The following SGCZ variants were observed in gnomAD, a reference collection of about 807,000 sequenced individuals.
The protein encoded by SGCZ is sarcoglycan zeta.
A neutral mutation model predicts 41.3 loss-of-function variants in SGCZ; 40 were observed. The observed-to-expected ratio is 0.97, with a 90% CI of 0.75 to 1.26. The LOEUF (loss-of-function observed/expected upper bound fraction) is 1.26. Ranked by LOEUF, SGCZ falls within the 50% of genes most tolerant of loss-of-function variation. The pLI is 0.00. For synonymous variants in SGCZ, 206 were observed against 137.5 expected, an observed-to-expected ratio of 1.50 and a Z score of -3.49; for missense variants, 552 against 369.8, an observed-to-expected ratio of 1.49 and a Z score of -4.04.
In SGCZ at chr8:14,663,068, C is replaced by G. The variant is rs1053115966; in HGVS notation, c.40-108142G>C. ...GAAAGAAATGCAGTTCTGCCAACAACTTGATCTTAGCCTCGGAATTATGAC... is the reference window on the plus strand; with the variant it reads ...GAAAGAAATGCAGTTCTGCCAACAAGTTGATCTTAGCCTCGGAATTATGAC... On this transcript the variant is annotated intron_variant, in intron 1 of 7. Coordinates refer to ENST00000382080, the MANE Select transcript of SGCZ (RefSeq NM_139167.4). Among the ~76,000 whole-genome samples, 5 of 152,272 alleles carry G rather than the reference C, an allele frequency of 3.3e-5. 1 individual carries two copies. In the South Asian group the frequency reaches 1.0e-3, roughly 32 times the overall value.
intron 1 of SGCZ, among the ~76,000 whole-genome samples, chr8:15,053,893 T>C (rs964089241): frequency 2.6e-5 from 4 of 152,214 alleles, no homozygotes; most frequent in Non-Finnish European, 5.9e-5. Context: ...GTCAGAATTC[T>C]GACACCAAAA....
intron 1 of SGCZ, among the ~76,000 whole-genome samples, chr8:14,839,640 C>T (rs1423623649): frequency 6.6e-6 from 1 of 152,106 alleles, no homozygotes; most frequent in East Asian, 1.9e-4. Context: ...CTCTTCCTCC[C>T]TGATATACTG....
At chr8:14,740,669 T>G (rs1249132692) in intron 1 of SGCZ, among the ~76,000 whole-genome samples, 1 of 152,042 alleles carries the variant, frequency 6.6e-6, no homozygotes, top group Non-Finnish European at 1.5e-5. Context: ...GCTTTCTCAG[T>G]CGTCCTGGGA....
At chr8:14,520,957 CAAG>C (rs1030888227) in intron 2 of SGCZ, among the ~76,000 whole-genome samples, 2 of 152,054 alleles carry the variant, frequency 1.3e-5, no homozygotes, top group African/African-American at 4.8e-5. Context: ...AACATAGAAT[CAAG>C]AAGATAGCAG....
intron 2 of SGCZ, among the ~76,000 whole-genome samples, chr8:14,343,209 C>A (rs1802770900): frequency 6.6e-6 from 1 of 152,236 alleles, no homozygotes; most frequent in Non-Finnish European, 1.5e-5. Context: ...TCATGGAGAA[C>A]CTCTGCTAGT....
In SGCZ at chr8:14,821,064, T is replaced by G. The variant is rs138049164; in HGVS notation, c.40-266138A>C. Among the ~76,000 whole-genome samples the G allele has an allele frequency of 2.8e-3, 429 of 151,614 alleles. 2 individuals carry two copies. The highest frequency in any genetic ancestry group is 9.9e-3 in the African/African-American group (409 of 41,438). On this transcript the variant is annotated intron_variant, in intron 1 of 7. Transcript: ENST00000382080. ...TTGGTTTGTAAAAGATAAACAAAAC[T>G]GACAAACCTTAAGATAGACAACAAA...
At chr8:15,072,988 A>C (rs1805408739) in intron 1 of SGCZ, among the ~76,000 whole-genome samples, 1 of 152,266 alleles carries the variant, frequency 6.6e-6, no homozygotes, top group African/African-American at 2.4e-5. Flanking sequence ...AGGAAGCATT[A>C]GAGTGTTAAA....
chr8:15,220,272 T>C (rs1295006084), intron 1 of SGCZ, among the ~76,000 whole-genome samples: 1 of 152,230 alleles, frequency 6.6e-6, no homozygotes, highest in Non-Finnish European at 1.5e-5. Context: ...CTGACGTTTA[T>C]ATACATCAGT....
At chr8:15,205,909 A>T (rs113541410) in intron 1 of SGCZ, among the ~76,000 whole-genome samples, 6,879 of 152,324 alleles carry the variant, frequency 0.045, 201 homozygotes, top group Middle Eastern at 0.068. Context: ...GCAGTCATAA[A>T]AAAGAATGAA....
intron 2 of SGCZ, among the ~76,000 whole-genome samples, chr8:14,464,032 T>G (rs145176403): frequency 2.6e-4 from 39 of 151,806 alleles, no homozygotes; most frequent in Non-Finnish European, 4.9e-4. Flanking sequence ...AGTATTTTGT[T>G]GTGGAGCTTT....
At chr8:15,039,994 TG>T (rs1804028587) in intron 1 of SGCZ, among the ~76,000 whole-genome samples, 1 of 152,160 alleles carries the variant, frequency 6.6e-6, no homozygotes, top group African/African-American at 2.4e-5. Flanking sequence ...ACATTTAATT[TG>T]CAAAAAAAGT....
At chr8:14,668,166 G>T (rs551936739) in intron 1 of SGCZ, among the ~76,000 whole-genome samples, 46 of 151,990 alleles carry the variant, frequency 3.0e-4, no homozygotes, top group Non-Finnish European at 5.7e-4. Flanking sequence ...CACCATGTTG[G>T]CCAGGCTAGT....
At chr8:14,096,344 G>C (rs900373045) in intron 7 of SGCZ, among the ~76,000 whole-genome samples, 1 of 152,066 alleles carries the variant, frequency 6.6e-6, no homozygotes, top group East Asian at 1.9e-4. Flanking sequence ...GGCCTTTCCT[G>C]CATCTATTGA....
chr8:15,169,406 GA>G (rs1441033275), intron 1 of SGCZ, among the ~76,000 whole-genome samples: 1 of 152,148 alleles, frequency 6.6e-6, no homozygotes, highest in African/African-American at 2.4e-5. Flanking sequence ...TAGCGGGTAG[GA>G]AACTCTCTAG....
At chr8:14,179,527 C>T (rs1312927995) in intron 4 of SGCZ, among the ~76,000 whole-genome samples, 1 of 152,106 alleles carries the variant, frequency 6.6e-6, no homozygotes, top group East Asian at 1.9e-4. Flanking sequence ...TCTCTTTGCC[C>T]ACCTCAGTCT....
intron 2 of SGCZ, among the ~76,000 whole-genome samples, chr8:14,452,451 C>T (rs1169540422): frequency 6.6e-6 from 1 of 151,774 alleles, no homozygotes; most frequent in Non-Finnish European, 1.5e-5. Flanking sequence ...AATGTAAACT[C>T]CAGCCTGGGT....
intron 1 of SGCZ, among the ~76,000 whole-genome samples, chr8:14,757,536 A>G (rs1799718865): frequency 6.6e-6 from 1 of 152,152 alleles, no homozygotes; most frequent in African/African-American, 2.4e-5. Flanking sequence ...GACTCCTGCA[A>G]CAGAAATCTT....
chr8:14,582,336 C>A (rs1804918005), intron 1 of SGCZ, among the ~76,000 whole-genome samples: 2 of 151,990 alleles, frequency 1.3e-5, no homozygotes, highest in Non-Finnish European at 1.5e-5. Flanking sequence ...ATCAGCACCC[C>A]TAACCCTGTT....
rs993724851 is a variant in SGCZ, at chr8:15,144,790, T to G, written c.39+92795A>C. 4.6e-5 allele frequency among the ~76,000 whole-genome samples: 7 copies of G among 152,222 alleles called. No homozygotes were observed. The South Asian group carries it at 1.0e-3, about 22-fold the overall frequency. ...CCTTTTAAAATAAATATTTAACTTCTGTTAGTTTGCAGGGAAAAGCAGCAG... is the reference window on the plus strand; with the variant it reads ...CCTTTTAAAATAAATATTTAACTTCGGTTAGTTTGCAGGGAAAAGCAGCAG... On this transcript the variant is annotated intron_variant, in intron 1 of 7. Transcript: ENST00000382080.
Sources: gnomAD v4.1 joint callset for allele counts (sites outside exome capture counted in the v4.1 genomes callset) on GRCh38, gnomAD v4.1.1 for gene constraint, MANE v1.5 for transcripts, NCBI Gene and HGNC (gene_info 2026-07-23, HGNC 2026-07-21) for gene names.